Variants in RALGAPA2 observed in about 807,000 individuals in gnomAD.
RALGAPA2 encodes Ral GTPase activating protein catalytic subunit alpha 2.
RALGAPA2 carries 139 observed loss-of-function variants against 230.4 expected under a neutral mutation model. The ratio of observed to expected loss-of-function variants is 0.60; its 90% CI spans 0.53 to 0.69. The LOEUF (loss-of-function observed/expected upper bound fraction) is 0.69, where lower values mean the gene tolerates loss of function less well. Ranked by LOEUF, RALGAPA2 falls within the 30% of genes least tolerant of loss-of-function variation. RALGAPA2 has a pLI of 0.00. For missense variants in RALGAPA2, 2,163 were observed against 2,276.0 expected (o/e 0.95, Z 1.01); for synonymous variants, 847 against 837.8 (o/e 1.01, Z -0.19).
At chr20:20,401,317 C>T (rs541477278) in intron 38 of RALGAPA2, among the ~76,000 whole-genome samples, 13 of 152,226 alleles carry the variant, frequency 8.5e-5, no homozygotes, top group Admixed American at 2.6e-4. Context: ...TCCCCTGGGG[C>T]ACCCAGGCAA....
chr20:20,519,968 T>G (rs2062987474), intron 31 of RALGAPA2, among the ~76,000 whole-genome samples: 2 of 152,224 alleles, frequency 1.3e-5, no homozygotes, highest in South Asian at 2.1e-4. Flanking sequence ...CAGACTCAAG[T>G]GGTCCTGTGC....
chr20:20,421,152 A>G (rs2060267862), intron 37 of RALGAPA2, among the ~76,000 whole-genome samples: 1 of 152,230 alleles, frequency 6.6e-6, no homozygotes, highest in Admixed American at 6.5e-5. Flanking sequence ...ATGGATGTGC[A>G]TAGACATTTA....
chr20:20,549,344 T>A (rs2063858925), intron 23 of RALGAPA2, among the ~76,000 whole-genome samples: 1 of 152,190 alleles, frequency 6.6e-6, no homozygotes, highest in Non-Finnish European at 1.5e-5. Flanking sequence ...TAAAGTCACA[T>A]GGCTCCCTCA....
intron 37 of RALGAPA2, among the ~76,000 whole-genome samples, chr20:20,422,416 T>C (rs1025757440): frequency 6.6e-6 from 1 of 152,018 alleles, no homozygotes; most frequent in Non-Finnish European, 1.5e-5. Context: ...CTGGGCAACA[T>C]AGTGAGACCC....
intron 31 of RALGAPA2, among the ~76,000 whole-genome samples, chr20:20,513,954 A>C (rs1166305386): frequency 1.3e-5 from 2 of 152,224 alleles, no homozygotes; most frequent in African/African-American, 2.4e-5. Context: ...GCTTGGCAAC[A>C]CAGAATCAGT....
At chr20:20,450,323 A>G (rs1282155079) in intron 37 of RALGAPA2, among the ~76,000 whole-genome samples, 1 of 152,260 alleles carries the variant, frequency 6.6e-6, no homozygotes, top group Non-Finnish European at 1.5e-5. Context: ...ACATGTATTT[A>G]GGTGTAAGAG....
chr20:20,506,646 C>A (rs1276519052), intron 33 of RALGAPA2, among the ~76,000 whole-genome samples: 1 of 151,946 alleles, frequency 6.6e-6, no homozygotes, highest in African/African-American at 2.4e-5. Context: ...CTGTCAAGTT[C>A]TTAAATACAG....
intron 38 of RALGAPA2, among the ~76,000 whole-genome samples, chr20:20,401,396 C>G (rs1352015261): frequency 6.6e-6 from 1 of 152,142 alleles, no homozygotes; most frequent in African/African-American, 2.4e-5. Flanking sequence ...TGCCACCCCC[C>G]AAACCTCACA....
chr20:20,516,876 A>T (rs2062887256), intron 31 of RALGAPA2, among the ~76,000 whole-genome samples: 1 of 152,144 alleles, frequency 6.6e-6, no homozygotes, highest in Non-Finnish European at 1.5e-5. Context: ...GGGACAAAAG[A>T]ATTTGGACAG....
intron 38 of RALGAPA2, among the ~76,000 whole-genome samples, chr20:20,406,569 G>A (rs1425819429): frequency 6.6e-6 from 1 of 152,194 alleles, no homozygotes; most frequent in East Asian, 1.9e-4. Context: ...TGCTGAGTGG[G>A]ATGGCTGAGT....
intron 1 of RALGAPA2, among the ~76,000 whole-genome samples, chr20:20,702,630 G>T (rs1390441424): frequency 6.6e-6 from 1 of 152,156 alleles, no homozygotes; most frequent in Non-Finnish European, 1.5e-5. Context: ...CTCAAAATTG[G>T]TAGATTCAGG....
At chr20:20,701,480 T>C (rs1039613343) in intron 1 of RALGAPA2, among the ~76,000 whole-genome samples, 1 of 152,206 alleles carries the variant, frequency 6.6e-6, no homozygotes, top group African/African-American at 2.4e-5. Flanking sequence ...GGCTCACGCC[T>C]GTAATCCCAG....
intron 4 of RALGAPA2, among the ~76,000 whole-genome samples, chr20:20,649,338 G>T (rs1317894955): frequency 6.6e-6 from 1 of 152,192 alleles, no homozygotes; most frequent in East Asian, 1.9e-4. Flanking sequence ...GGGGAGTAGG[G>T]ACCTTGAGAA....
chr20:20,521,017 C>G lies in RALGAPA2; in HGVS notation c.3984G>C (p.Thr1328=). 1 of 1,613,858 alleles carries G rather than the reference C, an allele frequency of 6.2e-7. No homozygotes were observed. ...YILTLADLSS[T]DYDPFLPLAN... ...CCAGTGGCAGGAAGGGGTCATAATCCGTGGATGACAAGTCAGCCAGGGTCA... is the reference window on the plus strand; with the variant it reads ...CCAGTGGCAGGAAGGGGTCATAATCGGTGGATGACAAGTCAGCCAGGGTCA... The change falls in exon 31 of 40, where the codon ACG becomes ACC. Residue 1328 remains threonine, a synonymous_variant. Coordinates refer to ENST00000202677, the MANE Select transcript of RALGAPA2 (RefSeq NM_020343.4).
chr20:20,684,039 CA>C (rs1378966597), intron 1 of RALGAPA2, among the ~76,000 whole-genome samples: 6 of 152,190 alleles, frequency 3.9e-5, no homozygotes, highest in Non-Finnish European at 8.8e-5. Context: ...AACAGTCTAA[CA>C]GACACTCTCT....
At chr20:20,512,276 T>C (rs1474868947) in intron 32 of RALGAPA2, among the ~76,000 whole-genome samples, 2 of 146,292 alleles carry the variant, frequency 1.4e-5, no homozygotes, top group Non-Finnish European at 1.5e-5. Context: ...CACAAATGTT[T>C]GATATCCTTT....
chr20:20,663,518 G>A (rs2067855449), intron 3 of RALGAPA2, among the ~76,000 whole-genome samples: 1 of 152,082 alleles, frequency 6.6e-6, no homozygotes, highest in South Asian at 2.1e-4. Flanking sequence ...TTCACTTAAA[G>A]GAAGCACTGT....
chr20:20,464,480 TAG>T (rs1481810063), intron 37 of RALGAPA2, among the ~76,000 whole-genome samples: 1 of 152,234 alleles, frequency 6.6e-6, no homozygotes, highest in Non-Finnish European at 1.5e-5. Flanking sequence ...GACCCAGGTC[TAG>T]AGAGTCACTC....
In RALGAPA2 at chr20:20,616,178, T is replaced by C; in HGVS notation, c.1553A>G (p.Asn518Ser). ...VQALLQVFLT[N>S]SANIFLLEPC... ...TTCCAACAAAAAGATGTTTGCAGAG[T>C]TCGTCAAAAATACCTTAAAATCAAC... The change falls in exon 13 of 40, where the codon AAC becomes AGC. Residue 518 changes from asparagine to serine, a missense_variant. Transcript: ENST00000202677. 1 of 1,519,298 alleles carries C rather than the reference T, an allele frequency of 6.6e-7. No individual in the cohort carries two copies. The highest frequency in any genetic ancestry group is 8.8e-7 in the Non-Finnish European group (1 of 1,135,546). The allele number at this position is 1,519,298 out of a possible 1,614,324, so 94.1% of individuals were successfully genotyped here.
Sources: allele counts gnomAD v4.1 joint callset (sites outside exome capture counted in the v4.1 genomes callset), GRCh38; gene constraint gnomAD v4.1.1; transcripts MANE v1.5; gene names NCBI Gene and HGNC (gene_info 2026-07-23, HGNC 2026-07-21).